ZFYVE27: variants seen among roughly 807,000 people sequenced by gnomAD.
The protein encoded by ZFYVE27 is protrudin.
In ZFYVE27, 36 loss-of-function variants were observed where a neutral mutation model predicts 52.8. That is an observed-to-expected ratio of 0.68 (90% CI 0.52 to 0.90). The LOEUF is 0.90. ZFYVE27 is among the 40% of genes least tolerant of loss of function. The probability of loss-of-function intolerance (pLI) is 0.00; values close to 1 mark genes in which losing one functional copy is unlikely to be tolerated. For synonymous variants in ZFYVE27, 223 were observed against 215.6 expected (o/e 1.03, Z -0.30); for missense variants, 450 against 527.2 (o/e 0.85, Z 1.43).
chr10:97,749,461 C>G lies in ZFYVE27; in HGVS notation c.552-13C>G. The G allele has an allele frequency of 6.2e-7, 1 of 1,607,792 alleles. No homozygotes were observed. Among genetic ancestry groups the G allele is most frequent in the Non-Finnish European group, 8.5e-7 (1 of 1,174,254 alleles). On this transcript the variant is annotated splice_polypyrimidine_tract_variant and intron_variant, in intron 5 of 12. Transcript: ENST00000684270. Reference sequence around the variant, plus strand: ...ACGAATTTCTGATCTTGTGGTTCTTCCCTGTCATCCAGGTTCTATGGGGCT... The same window carrying G: ...ACGAATTTCTGATCTTGTGGTTCTTGCCTGTCATCCAGGTTCTATGGGGCT...
At chr10:97,738,696 T>C in intron 2 of ZFYVE27, 22 bp downstream of exon 2, 1 of 1,613,870 alleles carries the variant, frequency 6.2e-7, no homozygotes, top group East Asian at 2.2e-5. Context: ...GTGGAGTTGC[T>C]CTGGTCTGCT....
chr10:97,758,472 C>T (rs568139523), intron 12 of ZFYVE27, among the ~76,000 whole-genome samples: 1 of 151,930 alleles, frequency 6.6e-6, no homozygotes, highest in African/African-American at 2.4e-5. Context: ...TACAGGCATG[C>T]GCCACCACAC....
chr10:97,738,242 C>A (rs1416098124), intron 1 of ZFYVE27, among the ~76,000 whole-genome samples: 1 of 152,240 alleles, frequency 6.6e-6, no homozygotes, highest in East Asian at 1.9e-4. Flanking sequence ...TCATTTCAGC[C>A]CATGGGCTGC....
Position 97,737,156 on chromosome 10 carries a change from G to C in ZFYVE27, c.-167G>C, listed in dbSNP as rs2042296231. On this transcript the variant is annotated 5_prime_UTR_variant, in exon 1 of 13. Coordinates refer to ENST00000684270, the MANE Select transcript of ZFYVE27 (RefSeq NM_001385875.1). ...TCGCGTCCCGGAAGCGGCGGTGGCGGCCGCGGCGTAGGCGGAGGAGATTTT... is the reference window on the plus strand; with the variant it reads ...TCGCGTCCCGGAAGCGGCGGTGGCGCCCGCGGCGTAGGCGGAGGAGATTTT... The C allele has an allele frequency of 6.6e-6, 1 of 152,556 alleles. No individual in the cohort carries two copies. 9.5% of individuals were successfully genotyped at this position (152,556 alleles called of 1,614,324 possible). A position where few individuals can be genotyped will look rare whatever the true frequency, so the allele number is the denominator to read the frequency against.
In ZFYVE27 at chr10:97,759,809, C is replaced by T; in HGVS notation, c.*509C>T. 1 of 190,338 alleles carries T rather than the reference C, an allele frequency of 5.3e-6. No homozygotes were observed. 11.8% of individuals were successfully genotyped at this position (190,338 alleles called of 1,614,324 possible). On this transcript the variant is annotated 3_prime_UTR_variant, in exon 13 of 13. Coordinates refer to ENST00000684270, the MANE Select transcript of ZFYVE27 (RefSeq NM_001385875.1). ...TCTGCTGATTGAATGTCCCTCCAGGCACCAGGATCTCATCATTTCCCCATC... is the reference window on the plus strand; with the variant it reads ...TCTGCTGATTGAATGTCCCTCCAGGTACCAGGATCTCATCATTTCCCCATC...
chr10:97,753,183 G>C lies in ZFYVE27; in HGVS notation c.1042+1G>C. The stretch of plus-strand genomic sequence containing the variant: ...AAGCGCTACCCCACCAACAACTTCG[G>C]TGCGGCCAGGGGACAGGGCTGGGCT... On this transcript the variant is annotated splice_donor_variant, in intron 10 of 12. Transcript: ENST00000684270. LOFTEE classifies it high-confidence loss of function. 12 of 1,610,470 alleles carry C rather than the reference G, an allele frequency of 7.5e-6. No individual in the cohort carries two copies. The highest frequency in any genetic ancestry group is 2.2e-5 in the East Asian group (1 of 44,720).
At chr10:97,757,027 G>A (rs2048517466) in intron 10 of ZFYVE27, among the ~76,000 whole-genome samples, 1 of 152,200 alleles carries the variant, frequency 6.6e-6, no homozygotes, top group South Asian at 2.1e-4. Flanking sequence ...CTCAGCTCTG[G>A]AAGGGTTCAG....
At chr10:97,757,088 T>C (rs758999212) in intron 10 of ZFYVE27, 177 bp from the exon 11 acceptor site, 6 of 743,910 alleles carry the variant, frequency 8.1e-6, no homozygotes, top group Non-Finnish European at 1.4e-5. Context: ...GGGCTATCAG[T>C]CTTCTTAGTT....
At chr10:97,754,670 T>G in intron 10 of ZFYVE27, 1 of 1,289,132 alleles carries the variant, frequency 7.8e-7, no homozygotes, top group Non-Finnish European at 1.0e-6. Flanking sequence ...GTATGTTCAG[T>G]GATCTGTTTA....
intron 10 of ZFYVE27, chr10:97,757,064 A>G: frequency 1.6e-6 from 1 of 630,160 alleles, no homozygotes; most frequent in Non-Finnish European, 2.8e-6. Flanking sequence ...ATGGCTGGAG[A>G]CATCAGTCCT....
chr10:97,759,071 C>T lies in ZFYVE27; in HGVS notation c.1172-165C>T, dbSNP rs1002820517. On this transcript the variant is annotated intron_variant, in intron 12 of 12. Coordinates refer to ENST00000684270, the MANE Select transcript of ZFYVE27 (RefSeq NM_001385875.1). ...ATCATCACCCCCAGGATCCCCAGTT[C>T]CCATGGAAAGAAGAATCTCTGCGGG... Among the ~76,000 whole-genome samples the T allele has an allele frequency of 6.6e-5, 10 of 152,176 alleles. No individual in the cohort carries two copies. The East Asian group carries it at 1.9e-3, about 29-fold the overall frequency.
At chr10:97,745,805 T>G (rs975654254) in intron 4 of ZFYVE27, among the ~76,000 whole-genome samples, 1 of 152,034 alleles carries the variant, frequency 6.6e-6, no homozygotes, top group African/African-American at 2.4e-5. Context: ...TTGAAAAATA[T>G]TCATCTAACA....
At chr10:97,751,776 G>A (rs1356143621) in intron 8 of ZFYVE27, among the ~76,000 whole-genome samples, 1 of 152,160 alleles carries the variant, frequency 6.6e-6, no homozygotes, top group Non-Finnish European at 1.5e-5. Flanking sequence ...GGCAGCTTTT[G>A]AGGAGGCTAC....
intron 1 of ZFYVE27, among the ~76,000 whole-genome samples, chr10:97,737,536 A>G (rs781746735): frequency 6.6e-6 from 1 of 152,200 alleles, no homozygotes; most frequent in Non-Finnish European, 1.5e-5. Context: ...TCCTGGGCTC[A>G]TACCTGGCGC....
chr10:97,751,584 A>G (rs760766287), intron 8 of ZFYVE27, 122 bp downstream of exon 8: 1 of 958,600 alleles, frequency 1.0e-6, no homozygotes, highest in Non-Finnish European at 1.6e-6. Flanking sequence ...GTGAGCTAGA[A>G]CTCACTGGTT....
intron 5 of ZFYVE27, 86 bp from the exon 6 acceptor site, chr10:97,749,388 C>A: frequency 1.0e-6 from 1 of 978,834 alleles, no homozygotes; most frequent in Non-Finnish European, 1.7e-6. Context: ...CTGTGTCTCA[C>A]CTGGACCCTG....
In ZFYVE27 at chr10:97,750,386, G is replaced by A. The variant is rs1021900854; in HGVS notation, c.720G>A (p.Glu240=). 13 of 1,614,078 alleles carry A rather than the reference G, an allele frequency of 8.1e-6. 1 individual carries two copies. The South Asian group carries it at 1.1e-4, about 14-fold the overall frequency. Residue 240 remains glutamate, a synonymous_variant, in exon 7 of 13, where the codon GAG becomes GAA. Coordinates refer to ENST00000684270, the MANE Select transcript of ZFYVE27 (RefSeq NM_001385875.1). ...LQQRMNPKQE[E]HAFESPPPPD... ...AGAGGATGAACCCAAAGCAGGAAGA[G>A]CATGCCTTTGAGAGTCCTCCACCAC...
chr10:97,751,021 G>A (rs1018762762), intron 7 of ZFYVE27, among the ~76,000 whole-genome samples: 4 of 152,210 alleles, frequency 2.6e-5, no homozygotes, highest in Non-Finnish European at 4.4e-5. Flanking sequence ...GGGATTACAG[G>A]CGTGAGCCAC....
In ZFYVE27 at chr10:97,759,741, C is replaced by T. The variant is rs996807279; in HGVS notation, c.*441C>T. The stretch of plus-strand genomic sequence containing the variant: ...CAGGGTACTGGGCCAGGCCCTCAGC[C>T]TCAGAGAGCCTGCAGAAGGGCTTGG... On this transcript the variant is annotated 3_prime_UTR_variant, in exon 13 of 13. Transcript: ENST00000684270. The T allele has an allele frequency of 8.6e-6, 2 of 232,000 alleles. No individual in the cohort carries two copies. Among genetic ancestry groups the T allele is most frequent in the African/African-American group, 2.2e-5 (1 of 45,464 alleles). The allele number at this position is 232,000 out of a possible 1,614,324, so 14.4% of individuals were successfully genotyped here. A position where few individuals can be genotyped will look rare whatever the true frequency, so the allele number is the denominator to read the frequency against.
Sources: gnomAD v4.1 joint callset for allele counts (sites outside exome capture counted in the v4.1 genomes callset) on GRCh38, gnomAD v4.1.1 for gene constraint, MANE v1.5 for transcripts, NCBI Gene and HGNC (gene_info 2026-07-23, HGNC 2026-07-21) for gene names.